The following CWC27 variants were observed in gnomAD, a reference collection of about 807,000 sequenced individuals.
CWC27 encodes the protein CWC27 spliceosome associated cyclophilin, also known as spliceosome-associated protein CWC27 homolog.
Under a neutral mutation model 63.6 loss-of-function variants are expected in CWC27, and 47 were observed. The ratio of observed to expected loss-of-function variants is 0.74; its 90% CI spans 0.58 to 0.94. The LOEUF is 0.94. CWC27 is among the 40% of genes least tolerant of loss of function. The pLI is 0.00. For missense variants in CWC27, 495 were observed against 554.3 expected (o/e 0.89, Z 1.07); for synonymous variants, 175 against 179.8 (o/e 0.97, Z 0.22).
intron 13 of CWC27, among the ~76,000 whole-genome samples, chr5:65,012,494 GTGTC>G (rs1734350896): frequency 6.6e-6 from 1 of 152,142 alleles, no homozygotes. Context: ...CCACATCGTG[GTGTC>G]TGTCTGTATG....
intron 7 of CWC27, among the ~76,000 whole-genome samples, chr5:64,789,746 T>C (rs1305081121): frequency 6.6e-6 from 1 of 152,170 alleles, no homozygotes; most frequent in Non-Finnish European, 1.5e-5. Context: ...ACAAGAAAAC[T>C]GTCTTCAAGG....
At position 64,800,257 on chromosome 5, in the gene CWC27, G is replaced by A. The variant is rs769469069; in HGVS notation, c.679G>A (p.Gly227Ser). The A allele has an allele frequency of 1.2e-6, 2 of 1,610,384 alleles. No homozygotes were observed. Among genetic ancestry groups the A allele is most frequent in the South Asian group, 1.1e-5 (1 of 90,752 alleles). ...TGTACATTCTTTGCAGAGCATGAAGGGCAAAAGCAAAAGTAGTCATGACTT... is the reference window on the plus strand; with the variant it reads ...TGTACATTCTTTGCAGAGCATGAAGAGCAAAAGCAAAAGTAGTCATGACTT... Reference protein sequence around the residue: ...EVNRVSQSMKGKSKSSHDLLK... With the variant: ...EVNRVSQSMKSKSKSSHDLLK... The change falls in exon 8 of 14, where the codon GGC becomes AGC. Residue 227 changes from glycine (G) to serine (S), a missense_variant. This residue lies in a region of CWC27 where 463 missense variants were observed against 498.1 expected (regional missense o/e 0.93). Transcript: ENST00000381070.
intron 11 of CWC27, among the ~76,000 whole-genome samples, chr5:64,934,474 T>C (rs1748304543): frequency 6.6e-6 from 1 of 152,248 alleles, no homozygotes; most frequent in Non-Finnish European, 1.5e-5. Flanking sequence ...GGTGTATATG[T>C]GCCACATTTT....
At chr5:64,822,330 G>A (rs929023057) in intron 10 of CWC27, among the ~76,000 whole-genome samples, 2 of 152,182 alleles carry the variant, frequency 1.3e-5, no homozygotes, top group African/African-American at 4.8e-5. Context: ...AGTTAGCTGT[G>A]TGTATACAAA....
chr5:64,887,141 G>A (rs1413915276), intron 11 of CWC27, among the ~76,000 whole-genome samples: 1 of 151,840 alleles, frequency 6.6e-6, no homozygotes, highest in Non-Finnish European at 1.5e-5. Flanking sequence ...GTAACACTGT[G>A]ACTTATAGTT....
intron 10 of CWC27, among the ~76,000 whole-genome samples, chr5:64,848,749 T>A (rs1464021880): frequency 6.6e-6 from 1 of 152,154 alleles, no homozygotes; most frequent in Non-Finnish European, 1.5e-5. Context: ...TGTGATCATG[T>A]CACTAGATGC....
chr5:64,933,495 CTTTTT>C (rs763750959), intron 11 of CWC27, among the ~76,000 whole-genome samples: 1 of 138,522 alleles, frequency 7.2e-6, no homozygotes, highest in Admixed American at 7.2e-5. Context: ...TTTTCTTTCT[CTTTTT>C]TTTTTTTTTT....
chr5:64,942,621 T>C (rs1045482031), intron 11 of CWC27, among the ~76,000 whole-genome samples: 1 of 152,122 alleles, frequency 6.6e-6, no homozygotes, highest in African/African-American at 2.4e-5. Flanking sequence ...AAAAGATTGA[T>C]GAATACATGT....
chr5:64,785,593 T>A lies in CWC27; in HGVS notation c.495+14T>A. Reference sequence around the variant, plus strand: ...AAAAGCTGTGAGGTAGGAGCATGATTATTACGAGATACAGCACTTACATTG... The same window carrying A: ...AAAAGCTGTGAGGTAGGAGCATGATAATTACGAGATACAGCACTTACATTG... On this transcript the variant is annotated intron_variant, in intron 5 of 13. Transcript: ENST00000381070. 1 of 1,478,152 alleles carries A rather than the reference T, an allele frequency of 6.8e-7. No homozygotes were observed. The allele number at this position is 1,478,152 out of a possible 1,614,324, so 91.6% of individuals were successfully genotyped here.
At position 64,949,604 on chromosome 5, in the gene CWC27, T is replaced by C. The variant is rs909140087; in HGVS notation, c.1043-22099T>C. ...TCATTTCCTGTAGCGTAAAGTCCTT[T>C]GCGTGGTATGCAAGGCCCTATATGG... On this transcript the variant is annotated intron_variant, in intron 11 of 13. Transcript: ENST00000381070. Among the ~76,000 whole-genome samples the C allele has an allele frequency of 3.3e-5, 5 of 152,036 alleles. No homozygotes were observed. The South Asian group carries it at 1.0e-3, about 31-fold the overall frequency.
rs1747991080 is a variant in CWC27, at chr5:64,921,260, A to T, written c.1042+35714A>T. 3.3e-5 allele frequency among the ~76,000 whole-genome samples: 5 copies of T among 152,096 alleles called. 1 individual carries two copies. In the South Asian group the frequency reaches 1.0e-3, roughly 32 times the overall value. ...GTGTATGGTTTTGATACATCTTGGT[A>T]TCTATTTCTTTTTTATTGCTCTGTG... is the stretch of plus-strand genomic sequence containing the variant. On this transcript the variant is annotated intron_variant, in intron 11 of 13. Transcript: ENST00000381070.
chr5:64,850,878 T>A (rs1157361622), intron 10 of CWC27, among the ~76,000 whole-genome samples: 1 of 144,328 alleles, frequency 6.9e-6, no homozygotes, highest in East Asian at 2.1e-4. Flanking sequence ...CTCACACCTG[T>A]CAGAATGGCT....
At position 64,976,516 on chromosome 5, in the gene CWC27, T is replaced by TTTTTA. The variant is rs1176870727; in HGVS notation, c.1153-600_1153-596dup. 5.9e-5 allele frequency among the ~76,000 whole-genome samples: 9 copies of TTTTTA among 152,134 alleles called. No homozygotes were observed. In the South Asian group the frequency reaches 8.3e-4, roughly 14 times the overall value. On this transcript the variant is annotated intron_variant, in intron 12 of 13. Transcript: ENST00000381070. ...AACTCAACTATAAATGAGCATACAT[T>TTTTTA]TTTTATTTTATTTTATTTTATTTAT...
intron 11 of CWC27, among the ~76,000 whole-genome samples, chr5:64,932,573 G>A (rs1203232003): frequency 6.6e-6 from 1 of 152,032 alleles, no homozygotes; most frequent in East Asian, 1.9e-4. Context: ...AGGATTATAG[G>A]GCTGGGATCC....
intron 13 of CWC27, among the ~76,000 whole-genome samples, chr5:64,987,859 T>C (rs1450813364): frequency 6.6e-6 from 1 of 152,202 alleles, no homozygotes; most frequent in African/African-American, 2.4e-5. Context: ...CTACGATTTT[T>C]TCATCTTTTG....
chr5:64,822,681 G>A (rs1432873838), intron 10 of CWC27, among the ~76,000 whole-genome samples: 1 of 152,104 alleles, frequency 6.6e-6, no homozygotes, highest in Non-Finnish European at 1.5e-5. Context: ...TGCTTTATTT[G>A]TGTGTTATTT....
At chr5:64,889,518 A>C (rs926628901) in intron 11 of CWC27, among the ~76,000 whole-genome samples, 1 of 152,224 alleles carries the variant, frequency 6.6e-6, no homozygotes, top group Non-Finnish European at 1.5e-5. Flanking sequence ...TTGGATTTAG[A>C]GAAAATCCAG....
chr5:64,844,476 C>G (rs1436379213), intron 10 of CWC27, among the ~76,000 whole-genome samples: 2 of 152,144 alleles, frequency 1.3e-5, no homozygotes, highest in African/African-American at 4.8e-5. Flanking sequence ...GCCTCAGAGC[C>G]CACCTCTGTG....
rs546393769 is a variant in CWC27 at position 64,913,061 on chromosome 5, A to G, written c.1042+27515A>G. Among the ~76,000 whole-genome samples the G allele has an allele frequency of 7.4e-4, 113 of 152,282 alleles. 4 individuals are homozygous for G. The South Asian group carries it at 0.017, about 23-fold the overall frequency. On this transcript the variant is annotated intron_variant, in intron 11 of 13. Coordinates refer to ENST00000381070, the MANE Select transcript of CWC27 (RefSeq NM_005869.4). ...TAATAATACATCATACATCCTGACA[A>G]ATTTGAATTTATTCTAGGAATGCAG...
Sources: gnomAD v4.1 joint callset for allele counts (sites outside exome capture counted in the v4.1 genomes callset) on GRCh38, gnomAD v4.1.1 for gene constraint, gnomAD v4.1.1 regional missense constraint, MANE v1.5 for transcripts, NCBI Gene and HGNC (gene_info 2026-07-23, HGNC 2026-07-21) for gene names.